Variants in C12orf42 observed in about 807,000 individuals in gnomAD.
C12orf42 encodes chromosome 12 open reading frame 42.
Under a neutral mutation model 21.6 loss-of-function variants are expected in C12orf42, and 25 were observed. The observed-to-expected ratio is 1.16, with a 90% CI of 0.84 to 1.62. C12orf42 has a LOEUF of 1.62. Ranked by LOEUF, C12orf42 falls within the 40% of genes most tolerant of loss-of-function variation. The pLI is 0.00. For synonymous variants in C12orf42, 174 were observed against 175.0 expected (o/e 0.99, Z 0.05); for missense variants, 483 against 459.3 (o/e 1.05, Z -0.47).
At chr12:103,379,271 A>T (rs2045962153) in intron 3 of C12orf42, among the ~76,000 whole-genome samples, 1 of 152,204 alleles carries the variant, frequency 6.6e-6, no homozygotes, top group South Asian at 2.1e-4. Context: ...AAGAGCATAA[A>T]TAAAAATACA....
At chr12:103,351,362 C>G (rs1206856553) in intron 4 of C12orf42, among the ~76,000 whole-genome samples, 1 of 152,066 alleles carries the variant, frequency 6.6e-6, no homozygotes, top group Admixed American at 6.6e-5. Flanking sequence ...CCTTTTCGGT[C>G]TGTAAATCTT....
chr12:103,401,537 A>C, intron 3 of C12orf42, 70 bp downstream of exon 3: 1 of 1,284,952 alleles, frequency 7.8e-7, no homozygotes. Context: ...ATCTGCTTAC[A>C]TGTAAAGCAA....
At chr12:103,339,063 C>T (rs1016768808) in intron 4 of C12orf42, among the ~76,000 whole-genome samples, 3 of 152,156 alleles carry the variant, frequency 2.0e-5, no homozygotes, top group Non-Finnish European at 4.4e-5. Context: ...TTTTAAACTA[C>T]AAATAAATTA....
chr12:103,179,182 T>C, the C12orf42 span, among the ~76,000 whole-genome samples: 4 of 152,186 alleles, frequency 2.6e-5, no homozygotes, highest in Non-Finnish European at 5.9e-5. Flanking sequence ...TTATTGAACA[T>C]CTGTCATGAG....
At chr12:103,544,055 A>C in the C12orf42 span, among the ~76,000 whole-genome samples, 7 of 151,884 alleles carry the variant, frequency 4.6e-5, no homozygotes, top group South Asian at 1.3e-3. Flanking sequence ...CACCACGCCC[A>C]GCTAATTTTG....
chr12:103,196,880 T>C, the C12orf42 span, among the ~76,000 whole-genome samples: 1 of 152,176 alleles, frequency 6.6e-6, no homozygotes, highest in Non-Finnish European at 1.5e-5. Flanking sequence ...CTTGTCATTG[T>C]GTGCCTTTTA....
At chr12:103,360,574 T>C (rs982419276) in intron 4 of C12orf42, among the ~76,000 whole-genome samples, 5 of 152,048 alleles carry the variant, frequency 3.3e-5, no homozygotes, top group African/African-American at 7.2e-5. Flanking sequence ...CTCAAGATCC[T>C]AGTATACCAA....
the C12orf42 span, among the ~76,000 whole-genome samples, chr12:103,087,036 A>C: frequency 2.0e-5 from 3 of 152,198 alleles, no homozygotes; most frequent in Non-Finnish European, 4.4e-5. Context: ...TCCATTTAGT[A>C]ATTAATCAAA....
At chr12:103,237,085 G>A (rs185351887), downstream of C12orf42, among the ~76,000 whole-genome samples, 2 of 152,242 alleles carry the variant, frequency 1.3e-5, no homozygotes, top group Admixed American at 6.5e-5. Flanking sequence ...TTCTTAAGTA[G>A]CTTGTTAGCA....
intron 3 of C12orf42, among the ~76,000 whole-genome samples, chr12:103,387,025 G>T (rs1341336721): frequency 6.6e-6 from 1 of 152,200 alleles, no homozygotes; most frequent in African/African-American, 2.4e-5. Flanking sequence ...GGCTGAACAG[G>T]ATCTGGAACC....
At chr12:103,262,052 T>C (rs981362197) in intron 10 of C12orf42, among the ~76,000 whole-genome samples, 1 of 152,194 alleles carries the variant, frequency 6.6e-6, no homozygotes, top group Non-Finnish European at 1.5e-5. Context: ...GTTATAGATA[T>C]GAAGTTCACA....
chr12:103,372,376 C>T (rs12578510), intron 3 of C12orf42, among the ~76,000 whole-genome samples: 23,525 of 152,086 alleles, frequency 0.15, 2,066 homozygotes, highest in South Asian at 0.28. Flanking sequence ...TGTTAAAATG[C>T]AAATTTTGAT....
At position 103,258,395 on chromosome 12, in the gene C12orf42, C is replaced by T. The variant is rs187355372; in HGVS notation, c.*1366+4931G>A. On this transcript the variant is annotated intron_variant and NMD_transcript_variant, in intron 10 of 10. Coordinates refer to the C12orf42 transcript ENST00000547347. ...AGCAAATGCATAATTAATAATGAAG[C>T]ATTCAATTTAAAGGAATAAACAAGT... Among the ~76,000 whole-genome samples, 564 of 152,100 alleles carry T rather than the reference C, an allele frequency of 3.7e-3. 4 individuals are homozygous for T. Among genetic ancestry groups the T allele is most frequent in the African/African-American group, 0.013 (549 of 41,526 alleles).
intron 4 of C12orf42, among the ~76,000 whole-genome samples, chr12:103,336,503 A>G (rs1258061199): frequency 6.6e-6 from 1 of 152,226 alleles, no homozygotes; most frequent in Non-Finnish European, 1.5e-5. Context: ...GGAAAAAATA[A>G]TTCCTATTTT....
chr12:103,204,506 A>T, the C12orf42 span, among the ~76,000 whole-genome samples: 22 of 152,226 alleles, frequency 1.4e-4, no homozygotes, highest in African/African-American at 4.6e-4. Context: ...TGTTTAAATA[A>T]CTAGTTCCAT....
chr12:103,206,032 G>A, the C12orf42 span, among the ~76,000 whole-genome samples: 7 of 152,216 alleles, frequency 4.6e-5, no homozygotes, highest in Non-Finnish European at 7.3e-5. Flanking sequence ...ACACCTGAGT[G>A]ACAAACTGGG....
the C12orf42 span, among the ~76,000 whole-genome samples, chr12:103,146,464 A>T: frequency 6.8e-6 from 1 of 147,530 alleles, no homozygotes; most frequent in Non-Finnish European, 1.5e-5. Context: ...TGGCCAACAG[A>T]GTGAGACCCT....
chr12:103,413,434 GCT>G (rs1167016128), intron 2 of C12orf42, among the ~76,000 whole-genome samples: 1 of 151,942 alleles, frequency 6.6e-6, no homozygotes, highest in Non-Finnish European at 1.5e-5. Context: ...GACTATACAA[GCT>G]CTTTTTTCAT....
intron 2 of C12orf42, among the ~76,000 whole-genome samples, chr12:103,466,551 A>C (rs527540978): frequency 7.5e-6 from 1 of 132,986 alleles, no homozygotes; most frequent in South Asian, 2.4e-4. Context: ...AAAAAGAAAC[A>C]GATTTCTGTC....
Sources: allele counts gnomAD v4.1 joint callset (sites outside exome capture counted in the v4.1 genomes callset), GRCh38; gene constraint gnomAD v4.1.1; transcripts MANE v1.5; gene names NCBI Gene and HGNC (gene_info 2026-07-23, HGNC 2026-07-21).